Variants in YAF2 observed in about 807,000 individuals in gnomAD.
YAF2 encodes the protein YY1 associated factor 2.
Under a neutral mutation model 20.1 loss-of-function variants are expected in YAF2, and 7 were observed. That is an observed-to-expected ratio of 0.35 (90% CI 0.20 to 0.65). The LOEUF (loss-of-function observed/expected upper bound fraction) is 0.65, where lower values mean the gene tolerates loss of function less well. Ranked by LOEUF, YAF2 falls within the 30% of genes least tolerant of loss-of-function variation. The probability of loss-of-function intolerance (pLI) is 0.69; values close to 1 mark genes in which losing one functional copy is unlikely to be tolerated. For synonymous variants in YAF2, 74 were observed against 76.0 expected (o/e 0.97, Z 0.14); for missense variants, 151 against 219.2 (o/e 0.69, Z 1.96).
chr12:42,188,760 C>CAAA, intron 2 of YAF2, among the ~76,000 whole-genome samples: 1 of 149,178 alleles, frequency 6.7e-6, no homozygotes, highest in South Asian at 2.1e-4. Context: ...AACCTATTTA[C>CAAA]AAAAAAAAAG....
intron 2 of YAF2, among the ~76,000 whole-genome samples, chr12:42,165,157 A>G (rs1236830175): frequency 1.3e-5 from 2 of 152,132 alleles, no homozygotes; most frequent in Non-Finnish European, 2.9e-5. Context: ...TTAACCATGA[A>G]CAAGACAAAC....
intron 2 of YAF2, chr12:42,234,742 C>T (rs2068091887): frequency 4.1e-6 from 4 of 977,802 alleles, no homozygotes; most frequent in Non-Finnish European, 4.9e-6. Context: ...AATCCCAGTT[C>T]TTTGGGAGGC....
At chr12:42,171,357 G>T (rs1394575653) in intron 2 of YAF2, among the ~76,000 whole-genome samples, 1 of 152,048 alleles carries the variant, frequency 6.6e-6, no homozygotes, top group Non-Finnish European at 1.5e-5. Context: ...GCATAGTGGT[G>T]CATGCCTGTA....
Position 42,175,534 on chromosome 12 carries a change from CAA to C in YAF2, c.153-13771_153-13770del, listed in dbSNP as rs71084621. Among the ~76,000 whole-genome samples the C allele has an allele frequency of 7.2e-4, 104 of 143,606 alleles. 1 individual carries two copies. Among genetic ancestry groups the C allele is most frequent in the Admixed American group, 9.7e-4 (14 of 14,374 alleles). The allele number at this position is 143,606 out of a possible 152,430, so 94.2% of individuals were successfully genotyped here. On this transcript the variant is annotated intron_variant, in intron 2 of 3. Transcript: ENST00000534854. ...GGTTTATTGTATGTCAATTATACCT[CAA>C]AAAAAAAAAAGCTGTCTAAAATTTT...
chr12:42,231,295 G>A (rs1278259563), intron 2 of YAF2: 3 of 151,984 alleles, frequency 2.0e-5, no homozygotes, highest in South Asian at 2.1e-4. Context: ...GAGTGGCATC[G>A]TATATTTTTG....
At chr12:42,227,721 G>A (rs1277221854) in intron 2 of YAF2, among the ~76,000 whole-genome samples, 59 of 150,334 alleles carry the variant, frequency 3.9e-4, no homozygotes, top group African/African-American at 7.6e-4. Context: ...GTCTCCGCCC[G>A]GCAGCCACCC....
rs2065746063 is a variant in YAF2 at position 42,158,768 on chromosome 12, T to C, written c.*1821A>G. On this transcript the variant is annotated 3_prime_UTR_variant, in exon 4 of 4. Coordinates refer to ENST00000534854, the MANE Select transcript of YAF2 (RefSeq NM_005748.6). ...TCAGATTTTTCTCTCTTGCAGCTCATTTAAAATACATCCTGAAAGTTATTT... is the reference window on the plus strand; with the variant it reads ...TCAGATTTTTCTCTCTTGCAGCTCACTTAAAATACATCCTGAAAGTTATTT... 6.6e-6 allele frequency: 1 copy of C among 152,236 alleles called. No homozygotes were observed. The highest frequency in any genetic ancestry group is 6.5e-5 in the Admixed American group (1 of 15,284). The allele number at this position is 152,236 out of a possible 1,614,324, so 9.4% of individuals were successfully genotyped here.
Position 42,227,187 on chromosome 12 carries a change from GC to G in YAF2, c.152+10411del, listed in dbSNP as rs559699966. Among the ~76,000 whole-genome samples, 1,047 of 144,950 alleles carry G rather than the reference GC, an allele frequency of 7.2e-3. 27 individuals are homozygous for G. In the East Asian group the frequency reaches 0.097, roughly 13 times the overall value. On this transcript the variant is annotated intron_variant, in intron 2 of 3. Coordinates refer to ENST00000534854, the MANE Select transcript of YAF2 (RefSeq NM_005748.6). The stretch of plus-strand genomic sequence containing the variant: ...TGGAGGAGCGGACGGGCCCCACGGG[GC>G]CCGAGGGCAAGGAGCAGCCGCCTGC...
At chr12:42,189,144 G>A (rs1409551267) in intron 2 of YAF2, among the ~76,000 whole-genome samples, 2 of 152,132 alleles carry the variant, frequency 1.3e-5, no homozygotes, top group Non-Finnish European at 2.9e-5. Flanking sequence ...AGCACTATGA[G>A]CAAAGTCACC....
intron 2 of YAF2, among the ~76,000 whole-genome samples, chr12:42,188,008 C>A (rs2066517370): frequency 6.6e-6 from 1 of 152,202 alleles, no homozygotes; most frequent in Admixed American, 6.5e-5. Flanking sequence ...CAGGTAACTG[C>A]AGCCTCAGCT....
intron 2 of YAF2, among the ~76,000 whole-genome samples, chr12:42,187,100 A>T (rs1409770338): frequency 6.6e-6 from 1 of 152,052 alleles, no homozygotes; most frequent in African/African-American, 2.4e-5. Flanking sequence ...AATAATGATT[A>T]TTTTAAGTAC....
chr12:42,193,531 T>C (rs532070729), intron 2 of YAF2, among the ~76,000 whole-genome samples: 7 of 152,216 alleles, frequency 4.6e-5, no homozygotes, highest in African/African-American at 1.4e-4. Flanking sequence ...TGAGACAGGA[T>C]CTCACTCTGT....
chr12:42,216,512 C>A (rs1175778748), intron 2 of YAF2, among the ~76,000 whole-genome samples: 2 of 151,624 alleles, frequency 1.3e-5, no homozygotes, highest in African/African-American at 2.4e-5. Context: ...TTTCTTTCTT[C>A]TTCTTTGTGG....
chr12:42,208,775 G>T (rs1343997680), intron 2 of YAF2, among the ~76,000 whole-genome samples: 2 of 152,184 alleles, frequency 1.3e-5, no homozygotes, highest in Non-Finnish European at 2.9e-5. Context: ...GCTATCTGAA[G>T]AAAGTGAGAA....
rs546956640 is a variant in YAF2, at chr12:42,219,138, A to T, written c.152+18461T>A. Among the ~76,000 whole-genome samples the T allele has an allele frequency of 9.2e-5, 14 of 152,338 alleles. No homozygotes were observed. The South Asian group carries it at 2.9e-3, about 32-fold the overall frequency. ...AATAAAATATATAATGGCATAAATG[A>T]CCTGGATGAAGTGAAGTGGGCAACC... On this transcript the variant is annotated intron_variant, in intron 2 of 3. Coordinates refer to ENST00000534854, the MANE Select transcript of YAF2 (RefSeq NM_005748.6).
chr12:42,194,475 C>T (rs2066698924), intron 2 of YAF2, among the ~76,000 whole-genome samples: 1 of 152,140 alleles, frequency 6.6e-6, no homozygotes, highest in South Asian at 2.1e-4. Context: ...GAAAACCCGT[C>T]TCTACTAAAA....
chr12:42,217,530 C>T (rs1036078431), intron 2 of YAF2, among the ~76,000 whole-genome samples: 9 of 152,082 alleles, frequency 5.9e-5, no homozygotes, highest in Admixed American at 5.9e-4. Flanking sequence ...TTTTGCAGTT[C>T]ATTTTTATCA....
chr12:42,208,249 T>A (rs1268702179), intron 2 of YAF2, among the ~76,000 whole-genome samples: 1 of 151,894 alleles, frequency 6.6e-6, no homozygotes, highest in Admixed American at 6.6e-5. Context: ...CATGGTGAAA[T>A]CCTGTCTCTA....
In YAF2 at chr12:42,237,665, G is replaced by A; in HGVS notation, c.86C>T (p.Thr29Ile). 1 of 1,588,752 alleles carries A rather than the reference G, an allele frequency of 6.3e-7. No homozygotes were observed. The highest frequency in any genetic ancestry group is 8.6e-7 in the Non-Finnish European group (1 of 1,169,068). The change falls in exon 2 of 4, where the codon ACC (threonine) becomes ATC (isoleucine). Residue 29 changes from threonine (T) to isoleucine (I), a missense_variant. Thr to Ile is a moderately conservative substitution (Grantham distance 89). Transcript: ENST00000534854. ...GAAGGCCTCGGCGCTGTTCCGGAAG[G>A]TGCAGACGCTACAGTCCCAGTAACC... is the stretch of plus-strand genomic sequence containing the variant. ...DEGYWDCSVCTFRNSAEAFKC... is the reference protein window; with the variant it reads ...DEGYWDCSVCIFRNSAEAFKC...
Sources: gnomAD v4.1 joint callset for allele counts (sites outside exome capture counted in the v4.1 genomes callset) on GRCh38, gnomAD v4.1.1 for gene constraint, MANE v1.5 for transcripts, NCBI Gene and HGNC (gene_info 2026-07-23, HGNC 2026-07-21) for gene names.